GMPR2: variants seen among roughly 807,000 people sequenced by gnomAD.
GMPR2 encodes GMP reductase 2.
In GMPR2, 32 loss-of-function variants were observed where a neutral mutation model predicts 38.5. That is an observed-to-expected ratio of 0.83 (90% CI 0.63 to 1.12). GMPR2 has a LOEUF of 1.12. GMPR2 is among the 50% of genes most tolerant of loss of function. The probability of loss-of-function intolerance (pLI) is 0.00; values close to 1 mark genes in which losing one functional copy is unlikely to be tolerated. For synonymous variants in GMPR2, 154 were observed against 151.0 expected (o/e 1.02, Z -0.15); for missense variants, 396 against 432.1 (o/e 0.92, Z 0.74).
chr14:24,238,700 G>A lies in GMPR2; in HGVS notation c.969G>A (p.Lys323=), dbSNP rs1204765629. The A allele has an allele frequency of 2.5e-6, 4 of 1,613,868 alleles. No homozygotes were observed. The highest frequency in any genetic ancestry group is 3.3e-5 in the Admixed American group (2 of 59,998). The stretch of plus-strand genomic sequence containing the variant: ...CGTGTACCTATGTGGGAGCAGCTAA[G>A]CTCAAAGAGTTGAGCAGGAGAACTA... The part of the protein sequence containing the change: ...RSTCTYVGAA[K]LKELSRRTTF... Residue 323 remains lysine (K), a synonymous_variant, in exon 10 of 10, where the codon AAG becomes AAA. Coordinates refer to ENST00000399440, the MANE Select transcript of GMPR2 (RefSeq NM_001002002.3).
Position 24,239,199 on chromosome 14 carries a change from A to G in GMPR2, c.*421A>G. The G allele has an allele frequency of 2.8e-6, 1 of 363,434 alleles. No homozygotes were observed. Among genetic ancestry groups the G allele is most frequent in the South Asian group, 2.1e-5 (1 of 47,146 alleles). 22.5% of individuals were successfully genotyped at this position (363,434 alleles called of 1,614,324 possible). On this transcript the variant is annotated 3_prime_UTR_variant, in exon 10 of 10. Coordinates refer to ENST00000399440, the MANE Select transcript of GMPR2 (RefSeq NM_001002002.3). ...ATCTAAAAAGCTCTGAAGTGTTTGT[A>G]TATTTGAAATACCTCAATAAAGAGA...
Position 24,235,735 on chromosome 14 carries a change from A to G in GMPR2, c.208-2A>G, listed in dbSNP as rs577518003. On this transcript the variant is annotated splice_acceptor_variant, in intron 3 of 9. Transcript: ENST00000399440. LOFTEE classifies it high-confidence loss of function. ...TTTGATGCTTCTTTGTCTTCTCCCC[A>G]GTTCTCTCTCTTCACTGCTGTCCAT... 1 of 1,604,468 alleles carries G rather than the reference A, an allele frequency of 6.2e-7. No homozygotes were observed. Among genetic ancestry groups the G allele is most frequent in the South Asian group, 1.1e-5 (1 of 90,894 alleles).
In GMPR2 at chr14:24,239,177, TA is replaced by T. The variant is rs199993119; in HGVS notation, c.*404del. On this transcript the variant is annotated 3_prime_UTR_variant, in exon 10 of 10. Coordinates refer to ENST00000399440, the MANE Select transcript of GMPR2 (RefSeq NM_001002002.3). ...TCACTAAATTGGACCTTCACATATC[TA>T]AAAAGCTCTGAAGTGTTTGTATATT... The T allele has an allele frequency of 2.2e-3, 820 of 371,068 alleles. 12 individuals are homozygous for T. The East Asian group carries it at 0.032, about 14-fold the overall frequency. The allele number at this position is 371,068 out of a possible 1,614,324, so 23.0% of individuals were successfully genotyped here.
At position 24,239,131 on chromosome 14, in the gene GMPR2, A is replaced by G. The variant is rs1315994622; in HGVS notation, c.*353A>G. 3.0e-5 allele frequency: 12 copies of G among 406,244 alleles called. No individual in the cohort carries two copies. Among genetic ancestry groups the G allele is most frequent in the Admixed American group, 2.2e-4 (7 of 32,262 alleles). 25.2% of individuals were successfully genotyped at this position (406,244 alleles called of 1,614,324 possible). ...GGTCTAGAGGAGGCAGGCTTTTAGA[A>G]TCATGTTTTGTTAATCCGCTTCACT... On this transcript the variant is annotated 3_prime_UTR_variant, in exon 10 of 10. Transcript: ENST00000399440.
In GMPR2 at chr14:24,238,341, C is replaced by T. The variant is rs2138982927; in HGVS notation, c.793C>T (p.Leu265Phe). The change falls in exon 9 of 10, where the codon CTC becomes TTC. Residue 265 changes from leucine (L) to phenylalanine (F), a missense_variant. Leu to Phe is a conservative substitution (Grantham distance 22). Transcript: ENST00000399440. Reference protein sequence around the residue: ...LIERDGKKYKLFYGMSSEMAM... With the variant: ...LIERDGKKYKFFYGMSSEMAM... The stretch of plus-strand genomic sequence containing the variant: ...CGAGAGGGATGGCAAGAAGTACAAG[C>T]TCTTCTATGGAATGAGTTCTGAAAT... 6.2e-7 allele frequency: 1 copy of T among 1,614,014 alleles called. No individual in the cohort carries two copies. The highest frequency in any genetic ancestry group is 2.2e-5 in the East Asian group (1 of 44,888).
At chr14:24,233,433 G>T (rs771610584) in intron 2 of GMPR2, 46 bp from the exon 3 acceptor site, 9 of 1,608,868 alleles carry the variant, frequency 5.6e-6, no homozygotes, top group Non-Finnish European at 7.7e-6. Context: ...AATATGGTAC[G>T]TTTTTTGGAT....
chr14:24,235,697 A>AAGTTTTCTCCCTT (rs1566680025), intron 3 of GMPR2, 40 bp from the exon 4 acceptor site: 1 of 1,349,182 alleles, frequency 7.4e-7, no homozygotes, highest in South Asian at 1.2e-5. Context: ...GACCTTAATA[A>AAGTTTTCTCCCTT]AGTTTTCTCC....
rs2273304 is a variant in GMPR2 at position 24,236,523 on chromosome 14, G to A, written c.465+383G>A. Among the ~76,000 whole-genome samples, 448 of 152,200 alleles carry A rather than the reference G, an allele frequency of 2.9e-3. 11 individuals carry two copies. In the East Asian group the frequency reaches 0.057, roughly 19 times the overall value. On this transcript the variant is annotated intron_variant, in intron 5 of 9. Transcript: ENST00000399440. ...TAGAAGAGTGGCCTTCATTTTCTTC[G>A]CAGCATTGAGGGGTGTGTCTACTGA...
At chr14:24,232,850 G>C (rs1436509230), upstream of GMPR2, 2 of 290,768 alleles carry the variant, frequency 6.9e-6, no homozygotes, top group African/African-American at 4.4e-5. Flanking sequence ...AACAGGAAGT[G>C]AGTACCTCTA....
At chr14:24,237,710 TG>T in intron 8 of GMPR2, 148 bp downstream of exon 8, 3 of 737,582 alleles carry the variant, frequency 4.1e-6, no homozygotes, top group South Asian at 3.4e-5. Flanking sequence ...TGGTATCATC[TG>T]GGGCAGCCAG....
At chr14:24,235,913 C>T in intron 4 of GMPR2, 54 bp from the exon 5 acceptor site, 1 of 1,593,914 alleles carries the variant, frequency 6.3e-7, no homozygotes, top group Non-Finnish European at 8.6e-7. Flanking sequence ...CAATGACCCA[C>T]TGGCTGCCCA....
At chr14:24,235,708 C>T (rs930211667) in intron 3 of GMPR2, 29 bp from the exon 4 acceptor site, 1 of 1,488,032 alleles carries the variant, frequency 6.7e-7, no homozygotes, top group African/African-American at 1.4e-5. Flanking sequence ...AGTTTTCTCC[C>T]TTTTGATGCT....
In GMPR2 at chr14:24,238,496, G is replaced by T. The variant is rs759454196; in HGVS notation, c.857+91G>T. The T allele has an allele frequency of 3.1e-6, 5 of 1,613,918 alleles. No homozygotes were observed. In the Admixed American group the frequency reaches 5.0e-5, roughly 16 times the overall value. On this transcript the variant is annotated intron_variant, in intron 9 of 9. Transcript: ENST00000399440. ...GATGGTACAGTTCTCAGAGAAGCAT[G>T]GTGAACCGGGGCTCAATGCTAGGGT...
rs1461757261 is a variant in GMPR2, at chr14:24,236,099, G to C, written c.424G>C (p.Val142Leu). The C allele has an allele frequency of 2.5e-6, 4 of 1,613,992 alleles. No individual in the cohort carries two copies. Among genetic ancestry groups the C allele is most frequent in the Non-Finnish European group, 3.4e-6 (4 of 1,179,974 alleles). ...CTACTCTGAACACTTTGTTGAATTT[G>C]TAAAAGATGTACGGAAGCGCTTCCC... ...NGYSEHFVEFVKDVRKRFPQH... is the reference protein window; with the variant it reads ...NGYSEHFVEFLKDVRKRFPQH... Residue 142 changes from valine (V) to leucine (L), a missense_variant, in exon 5 of 10, where the codon GTA becomes CTA. Physicochemically the swap from Val to Leu is conservative, Grantham distance 32. Coordinates refer to ENST00000399440, the MANE Select transcript of GMPR2 (RefSeq NM_001002002.3).
At chr14:24,234,110 T>C (rs1183827187) in intron 3 of GMPR2, 1 of 1,289,236 alleles carries the variant, frequency 7.8e-7, no homozygotes, top group African/African-American at 1.5e-5. Context: ...CTTTAAGTCC[T>C]AGGTTCCTGG....
intron 3 of GMPR2, among the ~76,000 whole-genome samples, chr14:24,234,555 G>A (rs939924059): frequency 2.0e-5 from 3 of 152,186 alleles, no homozygotes; most frequent in African/African-American, 4.8e-5. Flanking sequence ...GTTAACAGGC[G>A]TGCTGTAATA....
At chr14:24,234,033 T>A in intron 3 of GMPR2, 1 of 1,132,194 alleles carries the variant, frequency 8.8e-7, no homozygotes, top group Non-Finnish European at 1.2e-6. Flanking sequence ...GCTTATTAAT[T>A]TTCTTTAATA....
At chr14:24,236,943 A>G in intron 5 of GMPR2, 128 bp from the exon 6 acceptor site, 1 of 739,348 alleles carries the variant, frequency 1.4e-6, no homozygotes, top group East Asian at 2.5e-5. Context: ...CAGAGGGCCC[A>G]GTAGAGGGGA....
Position 24,232,963 on chromosome 14 carries a change from AG to A in GMPR2, c.-48del. On this transcript the variant is annotated 5_prime_UTR_variant, in exon 1 of 10. Transcript: ENST00000399440. ...CATTGCTCTTTGCAGGGGTAGAAGAAGGAAGTGTAGCGGGGTAAGGAATGCA... is the reference window on the plus strand; with the variant it reads ...CATTGCTCTTTGCAGGGGTAGAAGAAGAAGTGTAGCGGGGTAAGGAATGCA... The A allele has an allele frequency of 1.8e-6, 1 of 550,780 alleles. No homozygotes were observed. The highest frequency in any genetic ancestry group is 3.3e-6 in the Non-Finnish European group (1 of 306,338). The allele number at this position is 550,780 out of a possible 1,614,324, so 34.1% of individuals were successfully genotyped here. A position where few individuals can be genotyped will look rare whatever the true frequency, so the allele number is the denominator to read the frequency against.
Sources: gnomAD v4.1 joint callset for allele counts (sites outside exome capture counted in the v4.1 genomes callset) on GRCh38, gnomAD v4.1.1 for gene constraint, MANE v1.5 for transcripts, NCBI Gene and HGNC (gene_info 2026-07-23, HGNC 2026-07-21) for gene names.